ATP8A1: variants seen among roughly 807,000 people sequenced by gnomAD.
ATP8A1 encodes the protein ATPase phospholipid transporting 8A1.
ATP8A1 carries 90 observed loss-of-function variants against 177.7 expected under a neutral mutation model. That is an observed-to-expected ratio of 0.51 (90% CI 0.43 to 0.60). ATP8A1 has a LOEUF of 0.60. Among genes scored for constraint, ATP8A1 ranks in the 20% least tolerant of loss-of-function variants. The pLI is 0.00. For missense variants in ATP8A1, 1,072 were observed against 1,392.8 expected (o/e 0.77, Z 3.67); for synonymous variants, 493 against 485.9 (o/e 1.01, Z -0.19).
At chr4:42,592,004 T>C (rs1436279651) in intron 6 of ATP8A1, among the ~76,000 whole-genome samples, 6 of 152,134 alleles carry the variant, frequency 3.9e-5, no homozygotes, top group African/African-American at 1.2e-4. Flanking sequence ...AAATTTCTCT[T>C]TCAGTTAAAT....
intron 29 of ATP8A1, among the ~76,000 whole-genome samples, chr4:42,454,659 G>T (rs1392880696): frequency 1.3e-5 from 2 of 152,056 alleles, no homozygotes; most frequent in East Asian, 3.9e-4. Flanking sequence ...TATAGAAAAT[G>T]AGGTGTGTGT....
Position 42,451,966 on chromosome 4 carries a change from A to T in ATP8A1, c.2896+15T>A. On this transcript the variant is annotated intron_variant, in intron 30 of 36. Transcript: ENST00000381668. ...TAAAAAGTCATCTCTTTGCATTCATATCCCTTCTACTTACCATACTGAAGG... is the reference window on the plus strand; with the variant it reads ...TAAAAAGTCATCTCTTTGCATTCATTTCCCTTCTACTTACCATACTGAAGG... 1 of 1,568,340 alleles carries T rather than the reference A, an allele frequency of 6.4e-7. No individual in the cohort carries two copies. Among genetic ancestry groups the T allele is most frequent in the African/African-American group, 1.4e-5 (1 of 73,730 alleles).
intron 11 of ATP8A1, among the ~76,000 whole-genome samples, chr4:42,579,584 T>G (rs1732811321): frequency 6.6e-6 from 1 of 151,934 alleles, no homozygotes; most frequent in Admixed American, 6.5e-5. Context: ...GTGAACATTT[T>G]ATACCACTAT....
chr4:42,626,432 T>C (rs1323641484), intron 2 of ATP8A1: 1 of 152,370 alleles, frequency 6.6e-6, no homozygotes, highest in Non-Finnish European at 1.5e-5. Flanking sequence ...AAACACTTTA[T>C]TGGTATTGAA....
At chr4:42,555,139 A>ATCTATCTATCTATCTATCTAATCTATCT (rs1553903246) in intron 16 of ATP8A1, among the ~76,000 whole-genome samples, 1 of 59,528 alleles carries the variant, frequency 1.7e-5, no homozygotes, top group Admixed American at 1.6e-4. Flanking sequence ...CTATCTATCT[A>ATCTATCTATCTATCTATCTAATCTATCT]ATCTATCTAT....
intron 15 of ATP8A1, among the ~76,000 whole-genome samples, chr4:42,559,957 C>T (rs896255557): frequency 2.6e-5 from 4 of 152,174 alleles, no homozygotes; most frequent in East Asian, 1.9e-4. Flanking sequence ...TCATCCACCT[C>T]GGCCTCCCAA....
chr4:42,439,305 G>T (rs1716365390), intron 33 of ATP8A1, among the ~76,000 whole-genome samples: 1 of 152,226 alleles, frequency 6.6e-6, no homozygotes, highest in African/African-American at 2.4e-5. Flanking sequence ...GTGGCTGGGA[G>T]CTCATCTGCC....
In ATP8A1 at chr4:42,574,723, AT is replaced by A. The variant is rs1333907754; in HGVS notation, c.1207-17del. 4.5e-6 allele frequency: 7 copies of A among 1,552,780 alleles called. No homozygotes were observed. Among genetic ancestry groups the A allele is most frequent in the African/African-American group, 2.8e-5 (2 of 72,188 alleles). On this transcript the variant is annotated splice_polypyrimidine_tract_variant and intron_variant, in intron 13 of 36. Transcript: ENST00000381668. ...TGTATTTAACCTAAAAAAGTTTAAA[AT>A]TTCTCATTAATATTTTGAAAGTCTT...
chr4:42,521,505 T>C (rs531709262), intron 22 of ATP8A1, among the ~76,000 whole-genome samples: 1 of 152,358 alleles, frequency 6.6e-6, no homozygotes, highest in Non-Finnish European at 1.5e-5. Context: ...TTCTTGCTAT[T>C]TATACAGCAT....
At chr4:42,489,435 A>AC (rs1722526646) in intron 24 of ATP8A1, among the ~76,000 whole-genome samples, 1 of 152,192 alleles carries the variant, frequency 6.6e-6, no homozygotes, top group South Asian at 2.1e-4. Flanking sequence ...TTTGTTGGTG[A>AC]CTATCACAGA....
intron 27 of ATP8A1, among the ~76,000 whole-genome samples, chr4:42,458,896 G>A (rs930007912): frequency 1.3e-5 from 2 of 152,112 alleles, no homozygotes; most frequent in Admixed American, 6.5e-5. Flanking sequence ...CTGCTCCCAC[G>A]CCTGATCAGC....
chr4:42,539,644 A>G (rs1196457761), intron 20 of ATP8A1, among the ~76,000 whole-genome samples: 1 of 152,152 alleles, frequency 6.6e-6, no homozygotes, highest in Non-Finnish European at 1.5e-5. Flanking sequence ...TCACATATTT[A>G]TAACCAACTG....
chr4:42,575,966 T>A (rs1232269778), intron 12 of ATP8A1, among the ~76,000 whole-genome samples: 2 of 152,190 alleles, frequency 1.3e-5, no homozygotes, highest in African/African-American at 4.8e-5. Context: ...TTTACTATCA[T>A]TCCACCATTT....
At chr4:42,448,114 G>A (rs940983878) in intron 30 of ATP8A1, among the ~76,000 whole-genome samples, 4 of 151,862 alleles carry the variant, frequency 2.6e-5, no homozygotes, top group African/African-American at 4.8e-5. Context: ...CCTAACACAT[G>A]GTAATATAAA....
intron 33 of ATP8A1, among the ~76,000 whole-genome samples, chr4:42,427,708 A>C (rs888072305): frequency 1.3e-5 from 2 of 152,256 alleles, no homozygotes. Context: ...TCCTGAAAGC[A>C]TCCCCTGAAA....
intron 20 of ATP8A1, among the ~76,000 whole-genome samples, chr4:42,537,310 T>C (rs1727948448): frequency 6.6e-6 from 1 of 151,516 alleles, no homozygotes; most frequent in African/African-American, 2.4e-5. Context: ...ATAGTCAACA[T>C]TATACTGAAT....
At chr4:42,615,083 A>G (rs1347844914) in intron 5 of ATP8A1, among the ~76,000 whole-genome samples, 1 of 152,186 alleles carries the variant, frequency 6.6e-6, no homozygotes, top group Admixed American at 6.5e-5. Flanking sequence ...ATTTCAACAA[A>G]TATGTTATAA....
At chr4:42,415,428 T>C (rs913526141) in intron 35 of ATP8A1, among the ~76,000 whole-genome samples, 3 of 152,006 alleles carry the variant, frequency 2.0e-5, no homozygotes, top group African/African-American at 2.4e-5. Flanking sequence ...TAAAAGCACA[T>C]TGTAAAAAAT....
intron 4 of ATP8A1, among the ~76,000 whole-genome samples, chr4:42,620,671 C>CCT (rs1737380923): frequency 1.3e-5 from 2 of 152,156 alleles, no homozygotes; most frequent in Admixed American, 1.3e-4. Context: ...TTACCGTACC[C>CCT]CTCCTGCCTC....
Sources: allele counts gnomAD v4.1 joint callset (sites outside exome capture counted in the v4.1 genomes callset), GRCh38; gene constraint gnomAD v4.1.1; transcripts MANE v1.5; gene names NCBI Gene and HGNC (gene_info 2026-07-23, HGNC 2026-07-21).